The following BRD4 variants were observed in gnomAD, a reference collection of about 807,000 sequenced individuals.
BRD4 encodes the protein bromodomain containing 4, also known as bromodomain-containing protein 4.
A neutral mutation model predicts 142.1 loss-of-function variants in BRD4; 16 were observed. That is an observed-to-expected ratio of 0.11 (90% CI 0.08 to 0.17). The LOEUF (loss-of-function observed/expected upper bound fraction) is 0.17. BRD4 is among the 10% of genes least tolerant of loss of function. The pLI is 1.00. For synonymous variants in BRD4, 833 were observed against 707.5 expected, an observed-to-expected ratio of 1.18 and a Z score of -2.82; for missense variants, 1,424 against 1,810.9, an observed-to-expected ratio of 0.79 and a Z score of 3.88.
In BRD4 at chr19:15,332,458, C is replaced by A; in HGVS notation, c.-203G>T. 1 of 150,448 alleles carries A rather than the reference C, an allele frequency of 6.6e-6. No homozygotes were observed. The highest frequency in any genetic ancestry group is 1.5e-5 in the Non-Finnish European group (1 of 68,846). The allele number at this position is 150,448 out of a possible 1,614,324, so 9.3% of individuals were successfully genotyped here. On this transcript the variant is annotated 5_prime_UTR_variant, in exon 1 of 20. Coordinates refer to ENST00000679869, the MANE Select transcript of BRD4 (RefSeq NM_001379291.1). The stretch of plus-strand genomic sequence containing the variant: ...GCCGCCGCAGCCGCTGCCGCCGCCA[C>A]TGCTTCGGCTCCTCGGCTGCGGGAG...
intron 1 of BRD4, among the ~76,000 whole-genome samples, chr19:15,305,680 C>G (rs570549779): frequency 6.6e-6 from 1 of 152,282 alleles, no homozygotes; most frequent in African/African-American, 2.4e-5. Flanking sequence ...TTCAGAATGG[C>G]TAATGAGCAG....
chr19:15,238,949 C>T lies in BRD4; in HGVS notation c.3814G>A (p.Ala1272Thr), dbSNP rs201420374. Residue 1272 changes from alanine to threonine, a missense_variant, in exon 19 of 20, where the codon GCC (alanine) becomes ACC (threonine). Transcript: ENST00000679869. The surrounding 1 kb of genome is among the most constrained non-coding windows in gnomAD (Gnocchi z 7.2). ...CGTGCCTCCTCATGGGCCCGCCGGGCCTGCTCCAGCGCATCCTCGTCCTCT... is the reference window on the plus strand; with the variant it reads ...CGTGCCTCCTCATGGGCCCGCCGGGTCTGCTCCAGCGCATCCTCGTCCTCT... ...SREDEDALEQ[A>T]RRAHEEARRR... 17 of 1,596,468 alleles carry T rather than the reference C, an allele frequency of 1.1e-5. No homozygotes were observed. Among genetic ancestry groups the T allele is most frequent in the Non-Finnish European group, 1.4e-5 (17 of 1,173,888 alleles).
intron 1 of BRD4, 29 bp from the exon 2 acceptor site, chr19:15,273,162 GAT>G: frequency 1.3e-6 from 2 of 1,519,762 alleles, no homozygotes; most frequent in South Asian, 2.6e-5. Context: ...GCCCCCGTGA[GAT>G]ATCAGTCAGC....
At chr19:15,331,967 C>CCCCGCCGCGGCG (rs2048165146) in intron 1 of BRD4, 2 of 135,920 alleles carry the variant, frequency 1.5e-5, no homozygotes, top group Middle Eastern at 3.9e-3. Context: ...CGACCGCCGG[C>CCCCGCCGCGGCG]CCCGCCGCGG....
intron 1 of BRD4, among the ~76,000 whole-genome samples, chr19:15,315,814 C>G (rs910688513): frequency 6.6e-6 from 1 of 150,974 alleles, no homozygotes; most frequent in Non-Finnish European, 1.5e-5. Flanking sequence ...TGAGATCACA[C>G]CACTGCACTC....
At chr19:15,279,990 T>G (rs1227681846) in intron 1 of BRD4, among the ~76,000 whole-genome samples, 1 of 152,128 alleles carries the variant, frequency 6.6e-6, no homozygotes, top group East Asian at 1.9e-4. Context: ...TAGCAGAGCT[T>G]TATGCAAGCC....
intron 5 of BRD4, 74 bp downstream of exon 5, chr19:15,265,280 T>G: frequency 1.5e-6 from 2 of 1,359,834 alleles, no homozygotes; most frequent in Non-Finnish European, 1.9e-6. Flanking sequence ...GGACAGGCTC[T>G]GTGTAAAGCA....
chr19:15,252,498 C>T (rs2047358351), intron 11 of BRD4, among the ~76,000 whole-genome samples: 2 of 152,336 alleles, frequency 1.3e-5, no homozygotes, highest in East Asian at 3.9e-4. Flanking sequence ...CAGCGGCCAC[C>T]AGGAATGCTA....
At chr19:15,319,295 T>C (rs1449088355) in intron 1 of BRD4, among the ~76,000 whole-genome samples, 1 of 152,010 alleles carries the variant, frequency 6.6e-6, no homozygotes, top group East Asian at 1.9e-4. Flanking sequence ...TGAAACCCCA[T>C]CTCCACAAAA....
intron 1 of BRD4, among the ~76,000 whole-genome samples, chr19:15,288,396 C>A (rs534503095): frequency 6.6e-6 from 1 of 152,136 alleles, no homozygotes; most frequent in South Asian, 2.1e-4. Flanking sequence ...AAGACCACAT[C>A]TCAAAAAATA....
At chr19:15,271,858 A>G (rs531014818) in intron 2 of BRD4, among the ~76,000 whole-genome samples, 3 of 144,382 alleles carry the variant, frequency 2.1e-5, no homozygotes, top group South Asian at 2.1e-4. Context: ...TACAGACACA[A>G]TGACTTTAAA....
Position 15,253,824 on chromosome 19 carries a change from CCCCACG to C in BRD4, c.2158+322_2158+327del, listed in dbSNP as rs764333773. The C allele has an allele frequency of 3.1e-4, 467 of 1,528,056 alleles. 2 individuals are homozygous for C. Among genetic ancestry groups the C allele is most frequent in the Middle Eastern group, 1.4e-3 (8 of 5,712 alleles). The allele number at this position is 1,528,056 out of a possible 1,614,324, so 94.7% of individuals were successfully genotyped here. A position where few individuals can be genotyped will look rare whatever the true frequency, so the allele number is the denominator to read the frequency against. On this transcript the variant is annotated intron_variant, in intron 11 of 19. Coordinates refer to ENST00000679869, the MANE Select transcript of BRD4 (RefSeq NM_001379291.1). ...TCAAGGTCAACAGCACAGCCTGGAC[CCCCACG>C]CCCACAGTCCTCATGGCCCAGCTTC...
In BRD4 at chr19:15,255,705, C is replaced by A. The variant is rs1599451130; in HGVS notation, c.1752-113G>T. 87 of 1,321,590 alleles carry A rather than the reference C, an allele frequency of 6.6e-5. No individual in the cohort carries two copies. The East Asian group carries it at 2.1e-3, about 31-fold the overall frequency. 81.9% of individuals were successfully genotyped at this position (1,321,590 alleles called of 1,614,324 possible). On this transcript the variant is annotated intron_variant, in intron 9 of 19. Transcript: ENST00000679869. ...GGGTGCCCTTCCCATACCCCCCACCCACCAGCCTTCACAGGAAACGGGGCA... is the reference window on the plus strand; with the variant it reads ...GGGTGCCCTTCCCATACCCCCCACCAACCAGCCTTCACAGGAAACGGGGCA...
chr19:15,262,261 G>A (rs910449839), intron 7 of BRD4, among the ~76,000 whole-genome samples: 11 of 152,174 alleles, frequency 7.2e-5, no homozygotes, highest in Admixed American at 7.2e-4. Flanking sequence ...AGATGGCTGC[G>A]ACAGCCAGGT....
chr19:15,253,740 C>A (rs754287787), intron 11 of BRD4: 187 of 1,598,276 alleles, frequency 1.2e-4, no homozygotes, highest in Non-Finnish European at 1.6e-4. Flanking sequence ...GACTGTGATA[C>A]GGGGAAGGCC....
chr19:15,330,670 G>C (rs1338226655), intron 1 of BRD4, among the ~76,000 whole-genome samples: 1 of 152,148 alleles, frequency 6.6e-6, no homozygotes, highest in Non-Finnish European at 1.5e-5. Flanking sequence ...GAGAGGCTGA[G>C]ACAGGAGAAT....
chr19:15,329,675 G>T lies in BRD4; in HGVS notation c.-35+2615C>A, dbSNP rs142361762. ...ACTCGCTTGAACCCAGGAGGCAGAG[G>T]TTGCAGTGAGCCGAGATCGCACCAC... On this transcript the variant is annotated intron_variant, in intron 1 of 19. Coordinates refer to ENST00000679869, the MANE Select transcript of BRD4 (RefSeq NM_001379291.1). Among the ~76,000 whole-genome samples the T allele has an allele frequency of 1.0e-3, 157 of 152,208 alleles. 1 individual carries two copies. Among genetic ancestry groups the T allele is most frequent in the African/African-American group, 3.6e-3 (148 of 41,516 alleles).
At chr19:15,253,524 G>T in intron 11 of BRD4, 2 of 1,523,396 alleles carry the variant, frequency 1.3e-6, no homozygotes, top group Admixed American at 3.9e-5. Context: ...GGAGGGACAC[G>T]CAAGTCCAGG....
intron 1 of BRD4, among the ~76,000 whole-genome samples, chr19:15,311,726 C>T (rs1211530405): frequency 6.6e-6 from 1 of 152,036 alleles, no homozygotes; most frequent in African/African-American, 2.4e-5. Context: ...CACTTGAACC[C>T]GGGAGGCAGA....
Sources: allele counts gnomAD v4.1 joint callset (sites outside exome capture counted in the v4.1 genomes callset), GRCh38; gene constraint gnomAD v4.1.1; non-coding constraint Gnocchi (gnomAD v3.1); transcripts MANE v1.5; gene names NCBI Gene and HGNC (gene_info 2026-07-23, HGNC 2026-07-21).